LCK: variants seen among roughly 807,000 people sequenced by gnomAD.
The protein encoded by LCK is tyrosine-protein kinase Lck.
In LCK, 14 loss-of-function variants were observed where a neutral mutation model predicts 64.6. The ratio of observed to expected loss-of-function variants is 0.22; its 90% CI spans 0.14 to 0.34. The LOEUF is 0.34. Among genes scored for constraint, LCK ranks in the 10% least tolerant of loss-of-function variants. The pLI is 1.00. For missense variants in LCK, 434 were observed against 668.1 expected, an observed-to-expected ratio of 0.65 and a Z score of 3.86; for synonymous variants, 277 against 263.6, an observed-to-expected ratio of 1.05 and a Z score of -0.49.
At position 32,276,967 on chromosome 1, in the gene LCK, C is replaced by T; in HGVS notation, c.964+181C>T. 1.9e-6 allele frequency: 1 copy of T among 521,854 alleles called. No individual in the cohort carries two copies. The highest frequency in any genetic ancestry group is 3.2e-6 in the Non-Finnish European group (1 of 309,672). 32.3% of individuals were successfully genotyped at this position (521,854 alleles called of 1,614,324 possible). On this transcript the variant is annotated intron_variant, in intron 9 of 12. Coordinates refer to ENST00000336890, the MANE Select transcript of LCK (RefSeq NM_005356.5). This position sits in a 1 kb window ranked among gnomAD's most constrained non-coding sequence, Gnocchi z 4.6. ...GTGGCTCAGGCCTGTAATCCCAGCA[C>T]TTTGGGAGCCGAGGCGGGCAGATCA...
chr1:32,276,158 C>T lies in LCK; in HGVS notation c.631+95C>T. 6.6e-7 allele frequency: 1 copy of T among 1,505,380 alleles called. No homozygotes were observed. The highest frequency in any genetic ancestry group is 9.1e-7 in the Non-Finnish European group (1 of 1,097,664). 93.3% of individuals were successfully genotyped at this position (1,505,380 alleles called of 1,614,324 possible). ...CCATCCATCTTTCAATGCCCTACTC[C>T]ATTCCCCGCAGTGGGTGAGGTGTGG... On this transcript the variant is annotated intron_variant, in intron 7 of 12. Transcript: ENST00000336890. This position sits in a 1 kb window ranked among gnomAD's most constrained non-coding sequence, Gnocchi z 4.6.
intron 1 of LCK, among the ~76,000 whole-genome samples, chr1:32,262,603 T>C (rs544717282): frequency 1.3e-5 from 2 of 151,478 alleles, no homozygotes; most frequent in South Asian, 2.1e-4. Context: ...TTTGTATTTT[T>C]AGTAGAGACG....
chr1:32,254,108 C>A (rs1639573582), intron 1 of LCK, among the ~76,000 whole-genome samples: 1 of 152,126 alleles, frequency 6.6e-6, no homozygotes, highest in South Asian at 2.1e-4. Flanking sequence ...TGGGGCCTCT[C>A]ACAATCAACC....
At chr1:32,257,260 T>G (rs1639654600) in intron 1 of LCK, among the ~76,000 whole-genome samples, 2 of 151,374 alleles carry the variant, frequency 1.3e-5, no homozygotes, top group Non-Finnish European at 2.9e-5. Flanking sequence ...GTTTTTTTTG[T>G]TTTTTTGAGA....
At chr1:32,271,793 G>A (rs528774537) in intron 1 of LCK, among the ~76,000 whole-genome samples, 1 of 152,290 alleles carries the variant, frequency 6.6e-6, no homozygotes, top group East Asian at 1.9e-4. Flanking sequence ...TTGGGTGCTG[G>A]TGGCTTTCAG....
intron 2 of LCK, 39 bp from the exon 3 acceptor site, chr1:32,274,695 ATCT>A (rs1557583224): frequency 6.7e-7 from 1 of 1,491,080 alleles, no homozygotes; most frequent in South Asian, 1.3e-5. Context: ...GTCTGACCCA[ATCT>A]TCTGCTTTCT....
chr1:32,264,800 G>A (rs951931620), intron 1 of LCK, among the ~76,000 whole-genome samples: 3 of 151,938 alleles, frequency 2.0e-5, no homozygotes, highest in Non-Finnish European at 2.9e-5. Flanking sequence ...GTCTCACCAC[G>A]TTGCCCAGGC....
chr1:32,260,514 GTTC>G (rs1639740735), intron 1 of LCK, among the ~76,000 whole-genome samples: 1 of 152,128 alleles, frequency 6.6e-6, no homozygotes, highest in Non-Finnish European at 1.5e-5. Flanking sequence ...TAGTCTGCTT[GTTC>G]TTTTTTCTTT....
intron 1 of LCK, among the ~76,000 whole-genome samples, chr1:32,254,641 T>C (rs918388403): frequency 5.3e-5 from 8 of 151,938 alleles, no homozygotes; most frequent in African/African-American, 1.7e-4. Context: ...GCCTCCCGAG[T>C]AGCTGGGATT....
intron 1 of LCK, among the ~76,000 whole-genome samples, chr1:32,263,424 A>T (rs181669581): frequency 7.1e-6 from 1 of 141,002 alleles, no homozygotes; most frequent in African/African-American, 2.9e-5. Context: ...TAAATAAATA[A>T]ATAAATAAAT....
rs1044732934 is a variant in LCK at position 32,276,414 on chromosome 1, G to A, written c.709G>A (p.Glu237Lys). The A allele has an allele frequency of 4.3e-6, 7 of 1,612,430 alleles. No individual in the cohort carries two copies. Among genetic ancestry groups the A allele is most frequent in the African/African-American group, 4.0e-5 (3 of 74,892 alleles). ...GCCCCAGAAGCCGTGGTGGGAGGAC[G>A]AGTGGGAGGTTCCCAGGGAGACGCT... ...QKPQKPWWED[E>K]WEVPRETLKL... is the part of the protein sequence containing the mutation. Residue 237 changes from glutamate to lysine, a missense_variant, in exon 8 of 13, where the codon GAG becomes AAG. Glu to Lys is a moderately conservative substitution (Grantham distance 56). Transcript: ENST00000336890. This position sits in a 1 kb window ranked among gnomAD's most constrained non-coding sequence, Gnocchi z 4.6.
intron 9 of LCK, among the ~76,000 whole-genome samples, chr1:32,277,872 G>T (rs1239177047): frequency 6.6e-6 from 1 of 152,090 alleles, no homozygotes; most frequent in Non-Finnish European, 1.5e-5. Flanking sequence ...AATGCATACA[G>T]AGCAGTTAGA....
At chr1:32,268,728 G>A (rs1270823835) in intron 1 of LCK, among the ~76,000 whole-genome samples, 1 of 150,094 alleles carries the variant, frequency 6.7e-6, no homozygotes, top group Non-Finnish European at 1.5e-5. Context: ...TAGGAGAATC[G>A]CTTGAACCTG....
chr1:32,285,425 C>T (rs1046514902), intron 12 of LCK, 89 bp from the exon 13 acceptor site: 2 of 1,160,544 alleles, frequency 1.7e-6, no homozygotes, highest in Non-Finnish European at 2.6e-6. Context: ...TTGGTGCTCA[C>T]ACTGTGCCAG....
chr1:32,276,291 G>T lies in LCK; in HGVS notation c.632-46G>T. 6.6e-7 allele frequency: 1 copy of T among 1,526,216 alleles called. No homozygotes were observed. The highest frequency in any genetic ancestry group is 8.8e-7 in the Non-Finnish European group (1 of 1,140,490). 94.5% of individuals were successfully genotyped at this position (1,526,216 alleles called of 1,614,324 possible). On this transcript the variant is annotated intron_variant, in intron 7 of 12. Transcript: ENST00000336890. This position sits in a 1 kb window ranked among gnomAD's most constrained non-coding sequence, Gnocchi z 4.6. ...GAAGTGGGGGAGGTGGTGTCAATAC[G>T]AGGCCTGCCCTATTGACAGCCTTCA...
At chr1:32,285,387 C>T (rs1343521515) in intron 12 of LCK, 127 bp from the exon 13 acceptor site, 1 of 819,588 alleles carries the variant, frequency 1.2e-6, no homozygotes, top group African/African-American at 1.7e-5. Flanking sequence ...GTGACCTTAC[C>T]ATTGATGAAG....
intron 1 of LCK, 162 bp from the exon 2 acceptor site, chr1:32,274,163 G>C (rs1403190067): frequency 6.9e-7 from 1 of 1,439,540 alleles, no homozygotes; most frequent in Non-Finnish European, 9.2e-7. Flanking sequence ...GTTTGGAGCT[G>C]GGACCCCCTA....
chr1:32,259,388 T>A, intron 1 of LCK, among the ~76,000 whole-genome samples: 1 of 150,600 alleles, frequency 6.6e-6, no homozygotes, highest in Non-Finnish European at 1.5e-5. Flanking sequence ...GGGAGGCCAA[T>A]GCAGGCAGAT....
At chr1:32,274,091 G>A in intron 1 of LCK, 2 of 835,920 alleles carry the variant, frequency 2.4e-6, no homozygotes, top group African/African-American at 1.7e-5. Flanking sequence ...GGGAGGGTGG[G>A]GCTAGGGCTC....
Sources: gnomAD v4.1 joint callset for allele counts (sites outside exome capture counted in the v4.1 genomes callset) on GRCh38, gnomAD v4.1.1 for gene constraint, Gnocchi (gnomAD v3.1) non-coding constraint, MANE v1.5 for transcripts, NCBI Gene and HGNC (gene_info 2026-07-23, HGNC 2026-07-21) for gene names.